NAV3: variants seen among roughly 807,000 people sequenced by gnomAD.
NAV3 encodes neuron navigator 3, also known as pore membrane and/or filament interacting like protein 1.
Under a neutral mutation model 244.7 loss-of-function variants are expected in NAV3, and 87 were observed. The observed-to-expected ratio is 0.36, with a 90% CI of 0.30 to 0.42. The LOEUF (loss-of-function observed/expected upper bound fraction) is 0.42, where lower values mean the gene tolerates loss of function less well. Among genes scored for constraint, NAV3 ranks in the 20% least tolerant of loss-of-function variants. The probability of loss-of-function intolerance (pLI) is 1.00; values close to 1 mark genes in which losing one functional copy is unlikely to be tolerated. For missense variants in NAV3, 2,663 were observed against 2,893.3 expected (o/e 0.92, Z 1.83); for synonymous variants, 1,126 against 1,042.2 (o/e 1.08, Z -1.55).
At chr12:77,689,126 C>T (rs1293750630) in intron 2 of NAV3, among the ~76,000 whole-genome samples, 1 of 151,926 alleles carries the variant, frequency 6.6e-6, no homozygotes, top group East Asian at 1.9e-4. Flanking sequence ...TCTCAACACA[C>T]TCAGCAGATA....
intron 1 of NAV3, among the ~76,000 whole-genome samples, chr12:77,844,895 A>G (rs1876350592): frequency 6.6e-6 from 1 of 152,108 alleles, no homozygotes; most frequent in African/African-American, 2.4e-5. Context: ...TTTTTACTCA[A>G]TTTTCTCGAC....
intron 2 of NAV3, among the ~76,000 whole-genome samples, chr12:77,657,887 G>A (rs1217805135): frequency 2.0e-5 from 3 of 152,038 alleles, no homozygotes; most frequent in Admixed American, 6.6e-5. Context: ...TGCAGAAAAG[G>A]CCTTTGACAA....
At chr12:77,623,043 T>C (rs887153321) in intron 2 of NAV3, among the ~76,000 whole-genome samples, 1 of 152,200 alleles carries the variant, frequency 6.6e-6, no homozygotes, top group Admixed American at 6.5e-5. Flanking sequence ...TACCAAACCA[T>C]GTTGACAGAA....
chr12:77,678,375 G>A (rs756977824), intron 2 of NAV3, among the ~76,000 whole-genome samples: 12 of 151,944 alleles, frequency 7.9e-5, no homozygotes, highest in Non-Finnish European at 1.6e-4. Flanking sequence ...GTTTACTAAC[G>A]TATTTTAATG....
intron 2 of NAV3, among the ~76,000 whole-genome samples, chr12:77,662,282 A>G (rs1037887912): frequency 5.3e-5 from 8 of 150,130 alleles, no homozygotes; most frequent in Admixed American, 5.3e-4. Context: ...CTTATTTTAG[A>G]TCTTTACTTT....
At chr12:77,762,420 A>C (rs1869517222) in intron 2 of NAV3, among the ~76,000 whole-genome samples, 1 of 151,970 alleles carries the variant, frequency 6.6e-6, no homozygotes, top group African/African-American at 2.4e-5. Flanking sequence ...CAGAACTTAA[A>C]GTACAATAAA....
chr12:77,752,141 T>G (rs952886812), intron 2 of NAV3, among the ~76,000 whole-genome samples: 4 of 152,178 alleles, frequency 2.6e-5, no homozygotes, highest in African/African-American at 7.2e-5. Context: ...CCATAAAAGG[T>G]ATGAGTTTTC....
intron 3 of NAV3, among the ~76,000 whole-genome samples, chr12:77,961,613 A>G (rs1290695595): frequency 1.4e-5 from 2 of 140,262 alleles, no homozygotes; most frequent in African/African-American, 2.6e-5. Flanking sequence ...TTGAATATAT[A>G]TTACTATATA....
At chr12:78,019,785 C>T (rs1876843177) in intron 8 of NAV3, among the ~76,000 whole-genome samples, 2 of 152,004 alleles carry the variant, frequency 1.3e-5, no homozygotes, top group South Asian at 4.1e-4. Context: ...TTGCGTGGGA[C>T]CCAACCATGC....
intron 2 of NAV3, among the ~76,000 whole-genome samples, chr12:77,601,967 C>T (rs1592493531): frequency 6.6e-6 from 1 of 152,060 alleles, no homozygotes; most frequent in East Asian, 1.9e-4. Context: ...AGCTGCTGTA[C>T]CAAAGATCCA....
Position 77,657,594 on chromosome 12 carries a change from C to G in NAV3, c.72+85328C>G, listed in dbSNP as rs914592213. 5.9e-5 allele frequency among the ~76,000 whole-genome samples: 9 copies of G among 152,290 alleles called. No individual in the cohort carries two copies. The South Asian group carries it at 1.0e-3, about 18-fold the overall frequency. On this transcript the variant is annotated intron_variant, in intron 2 of 8. Transcript: ENST00000550042. ...TCAATAGAAAAAGAGGGAATCCTCC[C>G]TAACTCATTTTATGAGGCCAGCATC...
intron 2 of NAV3, among the ~76,000 whole-genome samples, chr12:77,585,107 C>A (rs773735106): frequency 6.6e-5 from 10 of 152,186 alleles, no homozygotes; most frequent in African/African-American, 1.4e-4. Context: ...GCAGGTGTTT[C>A]TGCATTGCCT....
At chr12:77,999,468 G>T (rs12306413) in intron 7 of NAV3, among the ~76,000 whole-genome samples, 1,874 of 152,232 alleles carry the variant, frequency 0.012, 37 homozygotes, top group African/African-American at 0.043. Flanking sequence ...TTTCATATAG[G>T]CAAATGATTA....
chr12:77,821,859 G>C (rs181963087), intron 2 of NAV3, among the ~76,000 whole-genome samples: 2 of 152,172 alleles, frequency 1.3e-5, no homozygotes, highest in Non-Finnish European at 2.9e-5. Context: ...ATTCCAACAA[G>C]AATAGTTCTT....
intron 7 of NAV3, among the ~76,000 whole-genome samples, chr12:77,999,666 T>G (rs1872906477): frequency 6.6e-6 from 1 of 152,160 alleles, no homozygotes; most frequent in Non-Finnish European, 1.5e-5. Flanking sequence ...AAAACAAAAG[T>G]GTATATTTGG....
chr12:77,593,047 C>T (rs903423092), intron 2 of NAV3, among the ~76,000 whole-genome samples: 1 of 152,092 alleles, frequency 6.6e-6, no homozygotes, highest in African/African-American at 2.4e-5. Flanking sequence ...GGGCTTGGTG[C>T]TGTGCCACGC....
chr12:77,613,114 A>C (rs1360667552), intron 2 of NAV3, among the ~76,000 whole-genome samples: 1 of 152,188 alleles, frequency 6.6e-6, no homozygotes, highest in Non-Finnish European at 1.5e-5. Flanking sequence ...TAGCAGCATG[A>C]GAACGAAATG....
chr12:77,908,573 G>A (rs1365672840), intron 1 of NAV3, among the ~76,000 whole-genome samples: 1 of 151,938 alleles, frequency 6.6e-6, no homozygotes, highest in African/African-American at 2.4e-5. Context: ...TTTTATGATT[G>A]TATTGATTTT....
chr12:77,965,728 CAAATAT>C (rs1162691411), intron 3 of NAV3, among the ~76,000 whole-genome samples: 2 of 152,236 alleles, frequency 1.3e-5, no homozygotes, highest in African/African-American at 2.4e-5. Flanking sequence ...TCTAGAAATA[CAAATAT>C]AATTTTTAAA....
Sources: gnomAD v4.1 joint callset for allele counts (sites outside exome capture counted in the v4.1 genomes callset) on GRCh38, gnomAD v4.1.1 for gene constraint, MANE v1.5 for transcripts, NCBI Gene and HGNC (gene_info 2026-07-23, HGNC 2026-07-21) for gene names.